Variants in KCNH8 observed in about 807,000 individuals in gnomAD.
KCNH8 encodes potassium voltage-gated channel subfamily H member 8, also known as voltage-gated delayed rectifier potassium channel KCNH8.
In KCNH8, 70 loss-of-function variants were observed where a neutral mutation model predicts 103.6. The observed-to-expected ratio is 0.68, with a 90% CI of 0.56 to 0.82. The LOEUF is 0.82. Among genes scored for constraint, KCNH8 ranks in the 40% least tolerant of loss-of-function variants. KCNH8 has a pLI of 0.00. For missense variants in KCNH8, 1,217 were observed against 1,329.9 expected (o/e 0.92, Z 1.32); for synonymous variants, 498 against 489.4 (o/e 1.02, Z -0.23).
intron 5 of KCNH8, among the ~76,000 whole-genome samples, chr3:19,354,462 G>A (rs1205875495): frequency 1.3e-5 from 2 of 152,022 alleles, no homozygotes; most frequent in African/African-American, 2.4e-5. Context: ...GAGGTATCAC[G>A]CTACCTGACT....
intron 2 of KCNH8, among the ~76,000 whole-genome samples, chr3:19,262,584 T>A (rs183104434): frequency 6.6e-5 from 10 of 152,180 alleles, no homozygotes; most frequent in Admixed American, 3.9e-4. Context: ...GCATATGGAA[T>A]GTTCTTCACT....
intron 7 of KCNH8, among the ~76,000 whole-genome samples, chr3:19,430,324 G>C (rs142760298): frequency 0.015 from 2,206 of 152,134 alleles, 40 homozygotes; most frequent in Non-Finnish European, 0.016. Context: ...CCATTTGTCT[G>C]TGTGCCTATT....
intron 14 of KCNH8, among the ~76,000 whole-genome samples, chr3:19,516,819 A>G (rs2068882872): frequency 6.6e-6 from 1 of 151,952 alleles, no homozygotes; most frequent in South Asian, 2.1e-4. Flanking sequence ...ATTGCTACCA[A>G]AGTCTTTTCT....
intron 5 of KCNH8, among the ~76,000 whole-genome samples, chr3:19,369,338 A>T (rs568200452): frequency 2.6e-5 from 4 of 151,606 alleles, no homozygotes; most frequent in African/African-American, 9.7e-5. Flanking sequence ...ACTGTCTACT[A>T]CTGTGTTCTC....
chr3:19,396,180 T>C (rs2066515184), intron 7 of KCNH8, among the ~76,000 whole-genome samples: 1 of 152,024 alleles, frequency 6.6e-6, no homozygotes, highest in African/African-American at 2.4e-5. Context: ...ACTTATCTTC[T>C]CTATCAAAAA....
chr3:19,521,987 A>AACAGGTAGCTTGTTATTT (rs2068979056), intron 15 of KCNH8, among the ~76,000 whole-genome samples: 1 of 151,918 alleles, frequency 6.6e-6, no homozygotes, highest in African/African-American at 2.4e-5. Flanking sequence ...AGTGAGAGAA[A>AACAGGTAGCTTGTTATTT]ACAGGTAGCT....
intron 3 of KCNH8, among the ~76,000 whole-genome samples, chr3:19,314,526 T>A (rs1453803407): frequency 6.6e-6 from 1 of 151,988 alleles, no homozygotes; most frequent in East Asian, 1.9e-4. Context: ...GCCATGGTCA[T>A]GACATTGCAG....
At position 19,208,689 on chromosome 3, in the gene KCNH8, G is replaced by A. The variant is rs575219748; in HGVS notation, c.77-44965G>A. ...TAAAATGCTGAGCACCATTAAGTTC[G>A]GTGCAAATGTGGAAAGCATTTAAGG... On this transcript the variant is annotated intron_variant, in intron 1 of 15. Coordinates refer to ENST00000328405, the MANE Select transcript of KCNH8 (RefSeq NM_144633.3). Among the ~76,000 whole-genome samples, 61 of 152,008 alleles carry A rather than the reference G, an allele frequency of 4.0e-4. No homozygotes were observed. The South Asian group carries it at 0.012, about 30-fold the overall frequency.
intron 3 of KCNH8, among the ~76,000 whole-genome samples, chr3:19,302,511 C>A (rs11128915): frequency 0.12 from 17,534 of 152,144 alleles, 1,189 homozygotes; most frequent in East Asian, 0.17. Flanking sequence ...TCATGCTTGA[C>A]TTCTTTGTGA....
At chr3:19,308,484 A>G (rs917170791) in intron 3 of KCNH8, among the ~76,000 whole-genome samples, 1 of 151,830 alleles carries the variant, frequency 6.6e-6, no homozygotes, top group Non-Finnish European at 1.5e-5. Flanking sequence ...AAAAAATAAA[A>G]CTTTTGATGA....
Position 19,535,153 on chromosome 3 carries a change from G to C in KCNH8, c.*1054G>C, listed in dbSNP as rs1365345101. On this transcript the variant is annotated 3_prime_UTR_variant, in exon 16 of 16. Transcript: ENST00000328405. ...GACATAGGGCAATTTGGGGCTCAAA[G>C]TGAGGGAGAAAACCTGGGTGTGTCC... 6.6e-6 allele frequency: 1 copy of C among 152,176 alleles called. No homozygotes were observed. The highest frequency in any genetic ancestry group is 1.5e-5 in the Non-Finnish European group (1 of 68,028). The allele number at this position is 152,176 out of a possible 1,614,324, so 9.4% of individuals were successfully genotyped here.
intron 3 of KCNH8, among the ~76,000 whole-genome samples, chr3:19,310,643 A>G (rs1171205965): frequency 6.6e-6 from 1 of 151,374 alleles, no homozygotes; most frequent in Non-Finnish European, 1.5e-5. Context: ...TAATCCTTAG[A>G]TTAACATTCT....
intron 3 of KCNH8, among the ~76,000 whole-genome samples, chr3:19,283,401 A>G (rs2064782892): frequency 6.6e-6 from 1 of 152,224 alleles, no homozygotes; most frequent in Non-Finnish European, 1.5e-5. Flanking sequence ...TAAATAAAAA[A>G]TATCAACAAA....
chr3:19,238,216 A>T (rs2064089853), intron 1 of KCNH8, among the ~76,000 whole-genome samples: 1 of 152,168 alleles, frequency 6.6e-6, no homozygotes, highest in South Asian at 2.1e-4. Context: ...GACCTTTTGG[A>T]TAGCCTTAGT....
chr3:19,231,324 A>G (rs1242441118), intron 1 of KCNH8, among the ~76,000 whole-genome samples: 1 of 152,152 alleles, frequency 6.6e-6, no homozygotes, highest in African/African-American at 2.4e-5. Context: ...GTCATTCACT[A>G]GTGTAGTGTC....
intron 5 of KCNH8, among the ~76,000 whole-genome samples, chr3:19,354,633 G>T (rs2065853272): frequency 6.6e-6 from 1 of 152,124 alleles, no homozygotes; most frequent in Non-Finnish European, 1.5e-5. Flanking sequence ...AATGGGGAAA[G>T]GATTCCCTAT....
intron 3 of KCNH8, among the ~76,000 whole-genome samples, chr3:19,338,069 A>G (rs922718158): frequency 1.3e-5 from 2 of 152,078 alleles, no homozygotes; most frequent in Non-Finnish European, 2.9e-5. Flanking sequence ...AGGCTTTGAA[A>G]AATAATTTAG....
intron 5 of KCNH8, among the ~76,000 whole-genome samples, chr3:19,374,839 T>G (rs796273791): frequency 6.6e-6 from 1 of 152,144 alleles, no homozygotes; most frequent in Non-Finnish European, 1.5e-5. Flanking sequence ...GTCTGTAAAG[T>G]ATTTTATTTC....
chr3:19,530,013 G>C (rs2069132945), intron 15 of KCNH8, among the ~76,000 whole-genome samples: 1 of 152,128 alleles, frequency 6.6e-6, no homozygotes, highest in Non-Finnish European at 1.5e-5. Flanking sequence ...CCCATTCTAA[G>C]TTCACGGTCT....
Sources: gnomAD v4.1 joint callset for allele counts (sites outside exome capture counted in the v4.1 genomes callset) on GRCh38, gnomAD v4.1.1 for gene constraint, MANE v1.5 for transcripts, NCBI Gene and HGNC (gene_info 2026-07-23, HGNC 2026-07-21) for gene names.